Variants in CCR10 observed in about 807,000 individuals in gnomAD.
CCR10 encodes C-C chemokine receptor type 10.
A neutral mutation model predicts 11.9 loss-of-function variants in CCR10; 11 were observed. The observed-to-expected ratio is 0.92, with a 90% CI of 0.58 to 1.53. The LOEUF (loss-of-function observed/expected upper bound fraction) is 1.53. CCR10 is among the 40% of genes most tolerant of loss of function. The probability of loss-of-function intolerance (pLI) is 0.00; values close to 1 mark genes in which losing one functional copy is unlikely to be tolerated. For synonymous variants in CCR10, 224 were observed against 245.4 expected, an observed-to-expected ratio of 0.91 and a Z score of 0.81; for missense variants, 428 against 496.6, an observed-to-expected ratio of 0.86 and a Z score of 1.31.
chr17:42,680,650 G>A (rs1382519052), intron 1 of CCR10, 33 bp from the exon 2 acceptor site: 1 of 1,440,886 alleles, frequency 6.9e-7, no homozygotes, highest in Admixed American at 2.1e-5. Context: ...GGGATCTTAT[G>A]AGACACATCT....
intron 1 of CCR10, 51 bp from the exon 2 acceptor site, chr17:42,680,668 C>T (rs148991339): frequency 7.7e-7 from 1 of 1,299,414 alleles, no homozygotes; most frequent in Admixed American, 2.2e-5. Flanking sequence ...TCTGACCACA[C>T]AACTCCCCCG....
Position 42,680,442 on chromosome 17 carries a change from A to G in CCR10, c.200T>C (p.Leu67Pro). Residue 67 changes from leucine to proline, a missense_variant, in exon 2 of 2, where the codon CTG (leucine) becomes CCG (proline). Coordinates refer to ENST00000332438, the MANE Select transcript of CCR10 (RefSeq NM_016602.3). ...AGNGLVLATH[L>P]AARRAARSPT... is the part of the protein sequence containing the mutation. ...CGAGCGCGCTGCGCGTCGGGCTGCC[A>G]GGTGGGTGGCCAGGACCAGGCCATT... The G allele has an allele frequency of 6.3e-7, 1 of 1,593,092 alleles. No individual in the cohort carries two copies. The highest frequency in any genetic ancestry group is 1.1e-5 in the South Asian group (1 of 89,064).
rs1567967840 is a variant in CCR10 at position 42,681,831 on chromosome 17, T to A, written c.-8A>T. The A allele has an allele frequency of 1.9e-6, 3 of 1,613,458 alleles. No homozygotes were observed. Among genetic ancestry groups the A allele is most frequent in the Non-Finnish European group, 2.5e-6 (3 of 1,179,728 alleles). ...TGTGGCCTCCGTCCCCATCTCTGGC[T>A]ACACAGGTTTCTGAGGTATAGCCAC... On this transcript the variant is annotated 5_prime_UTR_variant, in exon 1 of 2. Transcript: ENST00000332438.
In CCR10 at chr17:42,680,536, C is replaced by T. The variant is rs751010049; in HGVS notation, c.106G>A (p.Val36Ile). ...PLPELCYKAD[V>I]QAFSRAFQPS... ...TGGAAGGCCCGGCTGAAGGCCTGGA[C>T]ATCGGCCTTGTAGCAAAGCTCCGGC... The change falls in exon 2 of 2, where the codon GTC becomes ATC. Residue 36 changes from valine to isoleucine, a missense_variant. Physicochemically the swap from Val to Ile is conservative, Grantham distance 29. Transcript: ENST00000332438. The T allele has an allele frequency of 1.9e-6, 3 of 1,611,802 alleles. No homozygotes were observed. The South Asian group carries it at 3.3e-5, about 18-fold the overall frequency.
In CCR10 at chr17:42,680,160, A is replaced by G. The variant is rs753596890; in HGVS notation, c.482T>C (p.Val161Ala). ...RPSTPGRAHL[V>A]SVIVWLLSLL... is the part of the protein sequence containing the mutation. Reference sequence around the variant, plus strand: ...TGACAGCAGCCACACGATGACGGAGACCAAGTGTGCGCGGCCGGGAGTGGA... The same window carrying G: ...TGACAGCAGCCACACGATGACGGAGGCCAAGTGTGCGCGGCCGGGAGTGGA... The change falls in exon 2 of 2, where the codon GTC (valine) becomes GCC (alanine). Residue 161 changes from valine (V) to alanine (A), a missense_variant. Physicochemically the swap from Val to Ala is moderately conservative, Grantham distance 64. Transcript: ENST00000332438. 1.2e-6 allele frequency: 2 copies of G among 1,611,984 alleles called. No individual in the cohort carries two copies. The highest frequency in any genetic ancestry group is 1.1e-5 in the South Asian group (1 of 91,014).
Position 42,679,985 on chromosome 17 carries a change from C to A in CCR10, c.657G>T (p.Pro219=), listed in dbSNP as rs1187595445. The change falls in exon 2 of 2, where the codon CCG becomes CCT. Residue 219 remains proline, a synonymous_variant. Transcript: ENST00000332438. ...VAQVALGFAL[P]LGVMVACYAL... ...CGTAGCAGGCTACCATGACGCCCAG[C>A]GGCAGCGCGAAGCCCAGGGCCACCT... 4.5e-6 allele frequency: 7 copies of A among 1,569,876 alleles called. No individual in the cohort carries two copies. In the Admixed American group the frequency reaches 5.6e-5, roughly 13 times the overall value.
Position 42,679,854 on chromosome 17 carries a change from T to A in CCR10, c.788A>T (p.Tyr263Phe). Reference sequence around the variant, plus strand: ...AGTATCCAGCAGCAGGGCGAGGCTGTAGGGCAGCTGCAGCACCACGAAGGC... The same window carrying A: ...AGTATCCAGCAGCAGGGCGAGGCTGAAGGGCAGCTGCAGCACCACGAAGGC... The part of the protein sequence containing the change: ...VAAFVVLQLP[Y>F]SLALLLDTAD... The change falls in exon 2 of 2, where the codon TAC becomes TTC. Residue 263 changes from tyrosine (Y) to phenylalanine (F), a missense_variant. Transcript: ENST00000332438. The A allele has an allele frequency of 6.2e-7, 1 of 1,602,830 alleles. No homozygotes were observed.
chr17:42,679,826 G>T lies in CCR10; in HGVS notation c.816C>A (p.Ala272=), dbSNP rs768007302. 6 of 1,608,512 alleles carry T rather than the reference G, an allele frequency of 3.7e-6. No homozygotes were observed. Among genetic ancestry groups the T allele is most frequent in the Non-Finnish European group, 5.1e-6 (6 of 1,178,588 alleles). ...TCCGCTCGCGCGCAGCCAGTAGATCGGCAGTATCCAGCAGCAGGGCGAGGC... is the reference window on the plus strand; with the variant it reads ...TCCGCTCGCGCGCAGCCAGTAGATCTGCAGTATCCAGCAGCAGGGCGAGGC... The part of the protein sequence containing the change: ...PYSLALLLDT[A]DLLAARERSC... The change falls in exon 2 of 2, where the codon GCC becomes GCA. Residue 272 remains alanine (A), a synonymous_variant. Coordinates refer to ENST00000332438, the MANE Select transcript of CCR10 (RefSeq NM_016602.3).
rs1248237045 is a variant in CCR10, at chr17:42,680,347, C to T, written c.295G>A (p.Ala99Thr). Residue 99 changes from alanine to threonine, a missense_variant, in exon 2 of 2, where the codon GCA becomes ACA. By Grantham distance (58) the Ala-to-Thr change is moderately conservative (BLOSUM62 0). Transcript: ENST00000332438. ...LLLALTLPFA[A>T]AGALQGWSLG... is the part of the protein sequence containing the mutation. ...CTCCAGCCCTGAAGAGCCCCTGCTG[C>T]CGCGAAGGGCAGAGTCAGGGCCAGC... 2.0e-5 allele frequency: 31 copies of T among 1,552,808 alleles called. No individual in the cohort carries two copies. The highest frequency in any genetic ancestry group is 2.6e-5 in the Non-Finnish European group (30 of 1,148,264).
chr17:42,679,948 G>C lies in CCR10; in HGVS notation c.694C>G (p.Arg232Gly), dbSNP rs781592415. 36 of 1,555,696 alleles carry C rather than the reference G, an allele frequency of 2.3e-5. No homozygotes were observed. Among genetic ancestry groups the C allele is most frequent in the African/African-American group, 4.1e-5 (3 of 73,494 alleles). ...VMVACYALLG[R>G]TLLAARGPER... is the part of the protein sequence containing the mutation. Reference sequence around the variant, plus strand: ...GGCCCCCTGGCGGCCAGCAGCGTGCGGCCCAGAAGCGCGTAGCAGGCTACC... The same window carrying C: ...GGCCCCCTGGCGGCCAGCAGCGTGCCGCCCAGAAGCGCGTAGCAGGCTACC... The change falls in exon 2 of 2, where the codon CGC (arginine) becomes GGC (glycine). Residue 232 changes from arginine to glycine, a missense_variant. Physicochemically the swap from Arg to Gly is moderately radical, Grantham distance 125 (BLOSUM62 -2). Transcript: ENST00000332438.
intron 1 of CCR10, 95 bp downstream of exon 1, chr17:42,681,705 G>A: frequency 1.1e-6 from 1 of 890,340 alleles, no homozygotes. Context: ...TAAGCCATAG[G>A]ATGGCAGAGG....
Position 42,679,678 on chromosome 17 carries a change from G to T in CCR10, c.964C>A (p.Arg322=), listed in dbSNP as rs775058740. ...CAGCTCCCACCCCGTAGCAGCCTCC[G>T]CAGGTCCTGGCGGAAGCGCAGGCCC... ...FLGLRFRQDL[R]RLLRGGSCPS... Residue 322 remains arginine, a synonymous_variant, in exon 2 of 2, where the codon CGG becomes AGG. Coordinates refer to ENST00000332438, the MANE Select transcript of CCR10 (RefSeq NM_016602.3). 2.6e-6 allele frequency: 4 copies of T among 1,521,044 alleles called. No homozygotes were observed. Among genetic ancestry groups the T allele is most frequent in the Non-Finnish European group, 3.5e-6 (4 of 1,136,402 alleles). 94.2% of individuals were successfully genotyped at this position (1,521,044 alleles called of 1,614,324 possible). A position where few individuals can be genotyped will look rare whatever the true frequency, so the allele number is the denominator to read the frequency against.
In CCR10 at chr17:42,679,809, C is replaced by T; in HGVS notation, c.833G>A (p.Arg278His). The change falls in exon 2 of 2, where the codon CGC becomes CAC. Residue 278 changes from arginine to histidine, a missense_variant. By Grantham distance (29) the Arg-to-His change is conservative. Coordinates refer to ENST00000332438, the MANE Select transcript of CCR10 (RefSeq NM_016602.3). ...LLDTADLLAA[R>H]ERSCPASKRK... is the part of the protein sequence containing the mutation. ...TTTGCTGGCAGGGCAGCTCCGCTCG[C>T]GCGCAGCCAGTAGATCGGCAGTATC... is the stretch of plus-strand genomic sequence containing the variant. 6.2e-7 allele frequency: 1 copy of T among 1,608,128 alleles called. No individual in the cohort carries two copies. Among genetic ancestry groups the T allele is most frequent in the South Asian group, 1.1e-5 (1 of 90,674 alleles).
At chr17:42,680,677 C>A (rs527711725) in intron 1 of CCR10, 60 bp from the exon 2 acceptor site, 3 of 1,211,454 alleles carry the variant, frequency 2.5e-6, no homozygotes, top group South Asian at 2.9e-5. Context: ...ACAACTCCCC[C>A]GCCCACACTT....
At position 42,680,643 on chromosome 17, in the gene CCR10, A is replaced by T. The variant is rs770348958; in HGVS notation, c.25-26T>A. The T allele has an allele frequency of 3.9e-5, 57 of 1,478,124 alleles. 1 individual carries two copies. In the South Asian group the frequency reaches 7.4e-4, roughly 19 times the overall value. The allele number at this position is 1,478,124 out of a possible 1,614,324, so 91.6% of individuals were successfully genotyped here. On this transcript the variant is annotated intron_variant, in intron 1 of 1. Coordinates refer to ENST00000332438, the MANE Select transcript of CCR10 (RefSeq NM_016602.3). Reference sequence around the variant, plus strand: ...CTGGGAGGGTCAAATGAGAGGCGGGATCTTATGAGACACATCTGACCACAC... The same window carrying T: ...CTGGGAGGGTCAAATGAGAGGCGGGTTCTTATGAGACACATCTGACCACAC...
In CCR10 at chr17:42,680,470, C is replaced by T. The variant is rs1329174750; in HGVS notation, c.172G>A (p.Gly58Ser). ...SLTVAALGLAGNGLVLATHLA... is the reference protein window; with the variant it reads ...SLTVAALGLASNGLVLATHLA... Reference sequence around the variant, plus strand: ...TGGGTGGCCAGGACCAGGCCATTGCCGGCCAGACCCAGCGCAGCCACGGTC... The same window carrying T: ...TGGGTGGCCAGGACCAGGCCATTGCTGGCCAGACCCAGCGCAGCCACGGTC... Residue 58 changes from glycine to serine, a missense_variant, in exon 2 of 2, where the codon GGC becomes AGC. By Grantham distance (56) the Gly-to-Ser change is moderately conservative. Coordinates refer to ENST00000332438, the MANE Select transcript of CCR10 (RefSeq NM_016602.3). 1.0e-5 allele frequency: 16 copies of T among 1,606,106 alleles called. No individual in the cohort carries two copies. Among genetic ancestry groups the T allele is most frequent in the Admixed American group, 3.4e-5 (2 of 58,942 alleles).
chr17:42,680,652 GAC>G, intron 1 of CCR10, 35 bp from the exon 2 acceptor site: 1 of 1,418,838 alleles, frequency 7.0e-7, no homozygotes, highest in Non-Finnish European at 9.6e-7. Flanking sequence ...GATCTTATGA[GAC>G]ACATCTGACC....
In CCR10 at chr17:42,679,208, G is replaced by A; in HGVS notation, c.*345C>T. On this transcript the variant is annotated 3_prime_UTR_variant, in exon 2 of 2. Coordinates refer to ENST00000332438, the MANE Select transcript of CCR10 (RefSeq NM_016602.3). Reference sequence around the variant, plus strand: ...CCTCTGTTGGCTGAGGCCAGGTGACGGTGGAGGGGGTGTCAGTGGCTAGAG... The same window carrying A: ...CCTCTGTTGGCTGAGGCCAGGTGACAGTGGAGGGGGTGTCAGTGGCTAGAG... 4.4e-6 allele frequency: 1 copy of A among 227,230 alleles called. No individual in the cohort carries two copies. 14.1% of individuals were successfully genotyped at this position (227,230 alleles called of 1,614,324 possible).
At position 42,680,591 on chromosome 17, in the gene CCR10, A is replaced by T. The variant is rs1039748588; in HGVS notation, c.51T>A (p.Asp17Glu). The change falls in exon 2 of 2, where the codon GAT becomes GAA. Residue 17 changes from aspartate (D) to glutamate (E), a missense_variant. Coordinates refer to ENST00000332438, the MANE Select transcript of CCR10 (RefSeq NM_016602.3). Reference sequence around the variant, plus strand: ...GCTCAGCCGAGTATGCGTCCTCTTCATCCCCAGAGTAATGGCCCCAGGAAA... The same window carrying T: ...GCTCAGCCGAGTATGCGTCCTCTTCTTCCCCAGAGTAATGGCCCCAGGAAA... ...EQVSWGHYSG[D>E]EEDAYSAEPL... The T allele has an allele frequency of 6.3e-7, 1 of 1,577,976 alleles. No individual in the cohort carries two copies. Among genetic ancestry groups the T allele is most frequent in the Non-Finnish European group, 8.6e-7 (1 of 1,159,582 alleles).
Sources: gnomAD v4.1 joint callset for allele counts on GRCh38, gnomAD v4.1.1 for gene constraint, MANE v1.5 for transcripts, NCBI Gene and HGNC (gene_info 2026-07-23, HGNC 2026-07-21) for gene names.